The following PCBP2 variants were observed in gnomAD, a reference collection of about 807,000 sequenced individuals.
PCBP2 encodes poly(rC) binding protein 2, also known as poly(rC)-binding protein 2.
Under a neutral mutation model 50.1 loss-of-function variants are expected in PCBP2, and 4 were observed. That is an observed-to-expected ratio of 0.08 (90% confidence interval 0.04 to 0.18). The LOEUF is 0.18. Among genes scored for constraint, PCBP2 ranks in the 10% least tolerant of loss-of-function variants. The pLI is 1.00. For synonymous variants in PCBP2, 179 were observed against 168.0 expected, an observed-to-expected ratio of 1.07 and a Z score of -0.51; for missense variants, 161 against 474.3, an observed-to-expected ratio of 0.34 and a Z score of 6.14.
At chr12:53,474,997 C>T (rs1352519202) in intron 14 of PCBP2, 1 of 456,684 alleles carries the variant, frequency 2.2e-6, no homozygotes, top group South Asian at 1.5e-5. Context: ...TCGCTCGCCA[C>T]AGCGGGGACC....
chr12:53,456,371 A>G (rs998169655), intron 5 of PCBP2, among the ~76,000 whole-genome samples: 1 of 150,704 alleles, frequency 6.6e-6, no homozygotes, highest in African/African-American at 2.4e-5. Flanking sequence ...GATAGGAGAA[A>G]CGCTTGAACC....
intron 14 of PCBP2, among the ~76,000 whole-genome samples, chr12:53,477,809 G>T (rs1048013157): frequency 6.6e-6 from 1 of 151,902 alleles, no homozygotes; most frequent in Non-Finnish European, 1.5e-5. Context: ...CCAGCTTTTG[G>T]CTTTGCATTG....
chr12:53,458,635 T>C (rs926131667), intron 5 of PCBP2, among the ~76,000 whole-genome samples: 1 of 151,764 alleles, frequency 6.6e-6, no homozygotes, highest in Non-Finnish European at 1.5e-5. Context: ...AATATTCGAT[T>C]TGACTTAATT....
intron 2 of PCBP2, among the ~76,000 whole-genome samples, 172 bp from the exon 3 acceptor site, chr12:53,455,175 A>G (rs531012064): frequency 6.6e-6 from 1 of 152,194 alleles, no homozygotes; most frequent in South Asian, 2.1e-4. Context: ...AATCTTTCCA[A>G]TCTTTTGGGG....
chr12:53,455,453 C>T lies in PCBP2; in HGVS notation c.94-8C>T, dbSNP rs762739219. On this transcript the variant is annotated splice_polypyrimidine_tract_variant and splice_region_variant and intron_variant, in intron 3 of 14. Coordinates refer to ENST00000546463, the MANE Select transcript of PCBP2 (RefSeq NM_031989.5). The stretch of plus-strand genomic sequence containing the variant: ...AGTTGGAGCTCATGCTTGACTTTTC[C>T]TTTACAGAAAGGAGAATCAGTTAAG... The T allele has an allele frequency of 6.2e-7, 1 of 1,613,996 alleles. No individual in the cohort carries two copies. The highest frequency in any genetic ancestry group is 1.7e-5 in the Admixed American group (1 of 60,028).
intron 11 of PCBP2, 78 bp from the exon 12 acceptor site, chr12:53,467,727 C>G: frequency 8.7e-7 from 1 of 1,143,664 alleles, no homozygotes; most frequent in East Asian, 2.3e-5. Flanking sequence ...GTTTTTGGGG[C>G]TTTTCTGTAT....
Position 53,480,536 on chromosome 12 carries a change from T to C in PCBP2, c.*1094T>C, listed in dbSNP as rs1942980914. 1 of 152,602 alleles carries C rather than the reference T, an allele frequency of 6.6e-6. No homozygotes were observed. The allele number at this position is 152,602 out of a possible 1,614,324, so 9.5% of individuals were successfully genotyped here. ...ATATTTCAAGGTTTTTCACAGGGGT[T>C]ACAGTAGGACAGTCCCCACCCCAAT... On this transcript the variant is annotated 3_prime_UTR_variant, in exon 15 of 15. Transcript: ENST00000546463.
intron 8 of PCBP2, among the ~76,000 whole-genome samples, chr12:53,463,701 C>T (rs1941611890): frequency 6.6e-6 from 1 of 152,224 alleles, no homozygotes; most frequent in South Asian, 2.1e-4. Flanking sequence ...CTAGGGACAA[C>T]TGCATTGGGA....
intron 14 of PCBP2, among the ~76,000 whole-genome samples, chr12:53,473,002 T>G (rs1158386541): frequency 6.6e-6 from 1 of 152,200 alleles, no homozygotes; most frequent in Non-Finnish European, 1.5e-5. Context: ...GAGATAGGGT[T>G]TCATGTTGGT....
Position 53,459,420 on chromosome 12 carries a change from G to A in PCBP2, c.375+17G>A, listed in dbSNP as rs753852826. ...ATACGAGAGGTTAGTGACTTTTGTC[G>A]TCCTTTTAGAAATGTTAACTATTTG... is the stretch of plus-strand genomic sequence containing the variant. On this transcript the variant is annotated intron_variant, in intron 6 of 14. Transcript: ENST00000546463. 6.9e-6 allele frequency: 11 copies of A among 1,601,860 alleles called. No homozygotes were observed. Among genetic ancestry groups the A allele is most frequent in the Admixed American group, 3.4e-5 (2 of 58,506 alleles).
chr12:53,456,392 A>G (rs1320420599), intron 5 of PCBP2, among the ~76,000 whole-genome samples: 2 of 151,398 alleles, frequency 1.3e-5, no homozygotes, highest in East Asian at 3.9e-4. Context: ...CGGGAGGCGG[A>G]GGTTGTGGTG....
chr12:53,461,899 G>A (rs1405132590), intron 7 of PCBP2, among the ~76,000 whole-genome samples: 1 of 152,056 alleles, frequency 6.6e-6, no homozygotes, highest in Non-Finnish European at 1.5e-5. Context: ...TGTAGAGACG[G>A]GATTTTGCCA....
At chr12:53,473,585 A>G (rs145278562) in intron 14 of PCBP2, among the ~76,000 whole-genome samples, 76 of 152,320 alleles carry the variant, frequency 5.0e-4, no homozygotes, top group African/African-American at 1.8e-3. Context: ...AGGAAGCAGA[A>G]TTCTCTTGGT....
At chr12:53,475,718 G>T (rs886926089) in intron 14 of PCBP2, 1 of 152,414 alleles carries the variant, frequency 6.6e-6, no homozygotes, top group Non-Finnish European at 1.5e-5. Flanking sequence ...ATTCAGCTAG[G>T]AAGCCTGTAT....
At chr12:53,466,023 A>G in intron 10 of PCBP2, 50 bp downstream of exon 10, 2 of 1,525,678 alleles carry the variant, frequency 1.3e-6, no homozygotes, top group Non-Finnish European at 1.8e-6. Context: ...CTCCCATCCA[A>G]AATTGTCTCA....
rs553517913 is a variant in PCBP2, at chr12:53,471,253, T to C, written c.883-385T>C. ...TAAACCAAGGAGTTTGAGACTAGCC[T>C]GAGCAACATAGCGAGACCCTCGGTT... On this transcript the variant is annotated intron_variant, in intron 13 of 14. Transcript: ENST00000546463. 3.3e-5 allele frequency among the ~76,000 whole-genome samples: 5 copies of C among 150,786 alleles called. No individual in the cohort carries two copies. The South Asian group carries it at 1.1e-3, about 32-fold the overall frequency.
Position 53,479,472 on chromosome 12 carries a change from C to T in PCBP2, c.*30C>T, listed in dbSNP as rs1048933. On this transcript the variant is annotated 3_prime_UTR_variant, in exon 15 of 15. Coordinates refer to ENST00000546463, the MANE Select transcript of PCBP2 (RefSeq NM_031989.5). Reference sequence around the variant, plus strand: ...ATGCAGATTCATCCATAATCCCTTTCTGCTGTTCACCACCACCCATGATCC... The same window carrying T: ...ATGCAGATTCATCCATAATCCCTTTTTGCTGTTCACCACCACCCATGATCC... 4.4e-5 allele frequency: 70 copies of T among 1,598,418 alleles called. No individual in the cohort carries two copies. Among genetic ancestry groups the T allele is most frequent in the Admixed American group, 2.2e-4 (13 of 59,994 alleles).
intron 14 of PCBP2, among the ~76,000 whole-genome samples, chr12:53,472,283 A>G (rs1360803370): frequency 6.6e-6 from 1 of 152,198 alleles, no homozygotes; most frequent in Non-Finnish European, 1.5e-5. Flanking sequence ...CATTTTTCTC[A>G]CACTGCATGT....
chr12:53,478,666 T>C (rs729037), intron 14 of PCBP2, among the ~76,000 whole-genome samples: 68,530 of 151,474 alleles, frequency 0.45, 15,975 homozygotes, highest in Middle Eastern at 0.56. Context: ...TAGCTGGGAG[T>C]GGTGGTGGCT....
Sources: allele counts gnomAD v4.1 joint callset (sites outside exome capture counted in the v4.1 genomes callset), GRCh38; gene constraint gnomAD v4.1.1; transcripts MANE v1.5; gene names NCBI Gene and HGNC (gene_info 2026-07-23, HGNC 2026-07-21).